The following PCDH15 variants were observed in gnomAD, a reference collection of about 807,000 sequenced individuals.
PCDH15 encodes protocadherin related 15, also known as protocadherin-15.
Under a neutral mutation model 178.5 loss-of-function variants are expected in PCDH15, and 129 were observed. The ratio of observed to expected loss-of-function variants is 0.72; its 90% CI spans 0.63 to 0.84. PCDH15 has a LOEUF of 0.84. Ranked by LOEUF, PCDH15 falls within the 40% of genes least tolerant of loss-of-function variation. The pLI is 0.00. For synonymous variants in PCDH15, 800 were observed against 732.0 expected (o/e 1.09, Z -1.50); for missense variants, 2,230 against 2,099.9 (o/e 1.06, Z -1.21).
intron 3 of PCDH15, among the ~76,000 whole-genome samples, chr10:54,521,753 C>G (rs760635413): frequency 3.3e-5 from 5 of 152,072 alleles, no homozygotes; most frequent in Non-Finnish European, 7.4e-5. Context: ...AATTGAATGA[C>G]TTAATGCATT....
chr10:55,210,618 CTTTTTTTTTTTTTTTTTTT>C (rs11412877), intron 1 of PCDH15, among the ~76,000 whole-genome samples: 1 of 40,344 alleles, frequency 2.5e-5, no homozygotes, highest in Admixed American at 4.7e-4. Flanking sequence ...TTTTTCTTTT[CTTTTTTTTTTTTTTTTTTT>C]TTTTTTTTTT....
At chr10:54,830,817 C>T (rs1953212857) in intron 3 of PCDH15, among the ~76,000 whole-genome samples, 1 of 151,586 alleles carries the variant, frequency 6.6e-6, no homozygotes, top group Admixed American at 6.6e-5. Context: ...GCAAGACATG[C>T]CATACATGTC....
chr10:55,051,519 T>C (rs1841160840), intron 2 of PCDH15, among the ~76,000 whole-genome samples: 1 of 152,178 alleles, frequency 6.6e-6, no homozygotes, highest in African/African-American at 2.4e-5. Context: ...AAATCTTTCT[T>C]ATTCCCGAAT....
chr10:55,102,560 T>A (rs182614869), intron 2 of PCDH15, among the ~76,000 whole-genome samples: 1 of 152,312 alleles, frequency 6.6e-6, no homozygotes, highest in Admixed American at 6.5e-5. Flanking sequence ...GACCCCTCTC[T>A]CTTTCTCAAA....
At chr10:53,840,898 C>G (rs1267348188) in intron 28 of PCDH15, among the ~76,000 whole-genome samples, 1 of 152,180 alleles carries the variant, frequency 6.6e-6, no homozygotes, top group Admixed American at 6.5e-5. Context: ...AAGTCTGTGA[C>G]ACATGACACG....
intron 2 of PCDH15, among the ~76,000 whole-genome samples, chr10:54,533,774 C>T (rs2084181457): frequency 6.6e-6 from 1 of 152,096 alleles, no homozygotes; most frequent in Admixed American, 6.5e-5. Context: ...TAGGAAATAT[C>T]TTCCTCTATG....
intron 23 of PCDH15, among the ~76,000 whole-genome samples, chr10:53,956,730 A>C (rs1197878565): frequency 6.6e-6 from 1 of 152,132 alleles, no homozygotes; most frequent in Non-Finnish European, 1.5e-5. Context: ...AACTGGGATA[A>C]TCAAGGGCAA....
intron 21 of PCDH15, among the ~76,000 whole-genome samples, chr10:53,963,755 C>T (rs957667051): frequency 2.0e-5 from 3 of 151,972 alleles, no homozygotes; most frequent in African/African-American, 7.2e-5. Flanking sequence ...TCTCTTAAGC[C>T]CCATAGCCAA....
At position 54,369,134 on chromosome 10, in the gene PCDH15, C is replaced by T. The variant is rs1947254411; in HGVS notation, c.460G>A (p.Ala154Thr). The stretch of plus-strand genomic sequence containing the variant: ...TAGAAACTGACCTCATTCACTGTGG[C>T]ATAGTAGCTTTCATGCTTGAAAGTG... ...SPTFKHESYY[A>T]TVNELTPVGT... Residue 154 changes from alanine to threonine, a missense_variant, in exon 5 of 38, where the codon GCC becomes ACC. Transcript: ENST00000644397. 5.6e-6 allele frequency: 9 copies of T among 1,612,832 alleles called. No homozygotes were observed. The highest frequency in any genetic ancestry group is 7.6e-6 in the Non-Finnish European group (9 of 1,179,282).
intron 3 of PCDH15, among the ~76,000 whole-genome samples, chr10:54,441,062 CAATT>C (rs2075764043): frequency 6.6e-6 from 1 of 151,766 alleles, no homozygotes. Flanking sequence ...TTTAAAATAT[CAATT>C]AATCATTGCA....
chr10:53,960,216 G>C (rs2134281597), intron 22 of PCDH15, among the ~76,000 whole-genome samples: 1 of 152,206 alleles, frequency 6.6e-6, no homozygotes, highest in Non-Finnish European at 1.5e-5. Flanking sequence ...TGATTTTATA[G>C]CACCAATACA....
At chr10:54,802,629 A>G (rs1311053412), upstream of PCDH15, among the ~76,000 whole-genome samples, 1 of 152,234 alleles carries the variant, frequency 6.6e-6, no homozygotes, top group East Asian at 1.9e-4. Context: ...TTATTGATAC[A>G]TGTTTAAATA....
At chr10:54,032,671 A>C (rs1288726460) in intron 18 of PCDH15, among the ~76,000 whole-genome samples, 2 of 151,990 alleles carry the variant, frequency 1.3e-5, no homozygotes, top group Non-Finnish European at 2.9e-5. Context: ...TGATCACATA[A>C]CTACTTATTA....
intron 2 of PCDH15, among the ~76,000 whole-genome samples, chr10:55,069,887 C>A (rs1841680921): frequency 6.6e-6 from 1 of 152,074 alleles, no homozygotes; most frequent in African/African-American, 2.4e-5. Flanking sequence ...AGTTTACAGT[C>A]CCACCAACAG....
chr10:54,051,524 C>T (rs1361097645), intron 18 of PCDH15, among the ~76,000 whole-genome samples: 1 of 152,072 alleles, frequency 6.6e-6, no homozygotes, highest in African/African-American at 2.4e-5. Context: ...TTGCCCCTAC[C>T]CCAGATACCT....
Position 53,866,875 on chromosome 10 carries a change from A to C in PCDH15, c.3502-18T>G, listed in dbSNP as rs957492151. The C allele has an allele frequency of 6.5e-7, 1 of 1,528,008 alleles. No individual in the cohort carries two copies. The highest frequency in any genetic ancestry group is 1.4e-5 in the African/African-American group (1 of 73,032). 94.7% of individuals were successfully genotyped at this position (1,528,008 alleles called of 1,614,324 possible). A position where few individuals can be genotyped will look rare whatever the true frequency, so the allele number is the denominator to read the frequency against. ...TCAGTAGCCTAGACGGAGGGGAAAAAAAAAGAGATTATAATTAAGCAGGAA... is the reference window on the plus strand; with the variant it reads ...TCAGTAGCCTAGACGGAGGGGAAAACAAAAGAGATTATAATTAAGCAGGAA... On this transcript the variant is annotated intron_variant, in intron 26 of 37. Transcript: ENST00000644397.
At chr10:55,367,102 C>T (rs1845380960) in intron 2 of PCDH15, among the ~76,000 whole-genome samples, 1 of 152,034 alleles carries the variant, frequency 6.6e-6, no homozygotes, top group African/African-American at 2.4e-5. Context: ...ACATATCACT[C>T]AGGGTTTGTG....
intron 21 of PCDH15, among the ~76,000 whole-genome samples, chr10:53,970,582 C>T (rs1442017707): frequency 1.3e-5 from 2 of 151,762 alleles, no homozygotes; most frequent in Non-Finnish European, 2.9e-5. Flanking sequence ...ATCAAATAGA[C>T]ACAATAAAAA....
chr10:54,375,377 G>C (rs577782699), intron 4 of PCDH15, among the ~76,000 whole-genome samples: 3 of 152,192 alleles, frequency 2.0e-5, no homozygotes, highest in Non-Finnish European at 4.4e-5. Flanking sequence ...TATGCACAGA[G>C]AAAGGCAGAA....
Sources: gnomAD v4.1 joint callset for allele counts (sites outside exome capture counted in the v4.1 genomes callset) on GRCh38, gnomAD v4.1.1 for gene constraint, MANE v1.5 for transcripts, NCBI Gene and HGNC (gene_info 2026-07-23, HGNC 2026-07-21) for gene names.